ZNF248: variants seen among roughly 807,000 people sequenced by gnomAD.
The protein encoded by ZNF248 is KRAB protein domain.
Under a neutral mutation model 44.3 loss-of-function variants are expected in ZNF248, and 20 were observed. The observed-to-expected ratio is 0.45, with a 90% CI of 0.32 to 0.66. ZNF248 has a LOEUF of 0.66. Ranked by LOEUF, ZNF248 falls within the 30% of genes least tolerant of loss-of-function variation. ZNF248 has a pLI of 0.04. For missense variants in ZNF248, 654 were observed against 677.0 expected, an observed-to-expected ratio of 0.97 and a Z score of 0.38; for synonymous variants, 224 against 229.0, an observed-to-expected ratio of 0.98 and a Z score of 0.20.
intron 6 of ZNF248, among the ~76,000 whole-genome samples, chr10:37,805,768 A>G (rs533261551): frequency 1.6e-4 from 24 of 152,168 alleles, no homozygotes. Flanking sequence ...TTTTTGCATC[A>G]TTCTAAAAAA....
At chr10:37,766,997 T>C in the ZNF248 span, among the ~76,000 whole-genome samples, 1 of 152,210 alleles carries the variant, frequency 6.6e-6, no homozygotes, top group South Asian at 2.1e-4. Flanking sequence ...CAGGAGCCGA[T>C]GCAATCAACT....
chr10:37,796,667 C>A (rs879305284), intron 6 of ZNF248, among the ~76,000 whole-genome samples: 4 of 151,708 alleles, frequency 2.6e-5, no homozygotes, highest in African/African-American at 4.8e-5. Context: ...CACCAAATCC[C>A]ATTTTCCCCC....
At chr10:37,820,971 T>C in intron 6 of ZNF248, 1 of 1,593,928 alleles carries the variant, frequency 6.3e-7, no homozygotes, top group Non-Finnish European at 8.6e-7. Flanking sequence ...GGCTATGCAA[T>C]TCTTCCATCA....
At chr10:37,789,980 G>T (rs1012200907) in intron 6 of ZNF248, among the ~76,000 whole-genome samples, 3 of 152,056 alleles carry the variant, frequency 2.0e-5, no homozygotes, top group Non-Finnish European at 2.9e-5. Flanking sequence ...ACCTGCCTGG[G>T]GCCGGGCGCC....
chr10:37,845,802 T>A, intron 3 of ZNF248, among the ~76,000 whole-genome samples: 1 of 152,206 alleles, frequency 6.6e-6, no homozygotes, highest in East Asian at 1.9e-4. Flanking sequence ...GAATAGTTTG[T>A]ATTTCATTGT....
intron 4 of ZNF248, 32 bp from the exon 5 acceptor site, chr10:37,837,744 T>G (rs539370568): frequency 6.9e-6 from 11 of 1,595,574 alleles, no homozygotes; most frequent in Admixed American, 1.7e-5. Context: ...GGACTAGAGC[T>G]AAATAGCTTG....
intron 6 of ZNF248, among the ~76,000 whole-genome samples, chr10:37,791,338 G>A (rs888586018): frequency 3.3e-5 from 5 of 151,906 alleles, no homozygotes; most frequent in African/African-American, 4.8e-5. Flanking sequence ...CACCGTGCCC[G>A]GCCTTTGTTA....
At chr10:37,778,532 T>G (rs17607344) in intron 6 of ZNF248, among the ~76,000 whole-genome samples, 9,060 of 151,990 alleles carry the variant, frequency 0.06, 336 homozygotes, top group Middle Eastern at 0.096. Flanking sequence ...CAGAAGCTCT[T>G]TAGTTTAATT....
the ZNF248 span, among the ~76,000 whole-genome samples, chr10:37,764,298 G>T: frequency 6.6e-6 from 1 of 152,156 alleles, no homozygotes; most frequent in Non-Finnish European, 1.5e-5. Context: ...CTATTAGGAC[G>T]AGCAAATTCC....
chr10:37,770,364 C>T, the ZNF248 span, among the ~76,000 whole-genome samples: 1 of 152,240 alleles, frequency 6.6e-6, no homozygotes, highest in Admixed American at 6.5e-5. Flanking sequence ...CGCTACCTGA[C>T]TTCAAACTAT....
chr10:37,804,101 C>CTTTT (rs59261731), intron 6 of ZNF248, among the ~76,000 whole-genome samples: 7 of 124,946 alleles, frequency 5.6e-5, no homozygotes, highest in African/African-American at 9.0e-5. Flanking sequence ...TTTTCTTTTT[C>CTTTT]TTTTTTTTTT....
chr10:37,846,645 C>G (rs1302623359), intron 3 of ZNF248, among the ~76,000 whole-genome samples: 1 of 152,092 alleles, frequency 6.6e-6, no homozygotes, highest in African/African-American at 2.4e-5. Flanking sequence ...GATCCTGACT[C>G]AAGAAAACAA....
downstream of ZNF248, chr10:37,776,319 C>T (rs918242044): frequency 2.9e-6 from 1 of 347,426 alleles, no homozygotes. Flanking sequence ...TGGTCCAAAC[C>T]TTTCATCATA....
At chr10:37,767,624 G>T in the ZNF248 span, among the ~76,000 whole-genome samples, 3 of 152,080 alleles carry the variant, frequency 2.0e-5, no homozygotes, top group East Asian at 5.8e-4. Flanking sequence ...CCTGAAAGAC[G>T]CACTAAACAT....
chr10:37,798,486 T>G (rs138580751), intron 6 of ZNF248, among the ~76,000 whole-genome samples: 34 of 152,276 alleles, frequency 2.2e-4, no homozygotes, highest in African/African-American at 8.2e-4. Flanking sequence ...GTGCACTAAT[T>G]TGGAAAGATC....
At chr10:37,837,534 T>G in intron 5 of ZNF248, 83 bp downstream of exon 5, 1 of 1,161,610 alleles carries the variant, frequency 8.6e-7, no homozygotes, top group Non-Finnish European at 1.2e-6. Context: ...TTGTGAAAAA[T>G]ATTCCAAAGG....
chr10:37,836,600 A>G (rs968019877), intron 5 of ZNF248, among the ~76,000 whole-genome samples: 1 of 152,112 alleles, frequency 6.6e-6, no homozygotes, highest in Admixed American at 6.6e-5. Context: ...GAACTCCTCA[A>G]AAAGGTTTTC....
At chr10:37,780,819 T>C (rs1274630572) in intron 6 of ZNF248, among the ~76,000 whole-genome samples, 2 of 151,942 alleles carry the variant, frequency 1.3e-5, no homozygotes, top group African/African-American at 4.8e-5. Flanking sequence ...AGCCCAAACC[T>C]CCTCAGCTCG....
rs1324669172 is a variant in ZNF248, at chr10:37,802,822, CTTTT to C, written c.331-26251_331-26248del. On this transcript the variant is annotated intron_variant, in intron 6 of 6. Transcript: ENST00000615949. ...TGTTTAAGACTGGATGGCACTTAGA[CTTTT>C]TTGTTTTTTGTTTTGAGACAGGGTC... is the stretch of plus-strand genomic sequence containing the variant. 7 of 152,224 alleles carry C rather than the reference CTTTT, an allele frequency of 4.6e-5. No individual in the cohort carries two copies. The East Asian group carries it at 1.2e-3, about 25-fold the overall frequency. 9.4% of individuals were successfully genotyped at this position (152,224 alleles called of 1,614,324 possible). A position where few individuals can be genotyped will look rare whatever the true frequency, so the allele number is the denominator to read the frequency against.
Sources: allele counts gnomAD v4.1 joint callset (sites outside exome capture counted in the v4.1 genomes callset), GRCh38; gene constraint gnomAD v4.1.1; transcripts MANE v1.5; gene names NCBI Gene and HGNC (gene_info 2026-07-23, HGNC 2026-07-21).